TMED3: variants seen among roughly 807,000 people sequenced by gnomAD.
The protein encoded by TMED3 is transmembrane emp24 domain-containing protein 3.
TMED3 carries 9 observed loss-of-function variants against 15.0 expected under a neutral mutation model. The ratio of observed to expected loss-of-function variants is 0.60; its 90% confidence interval spans 0.36 to 1.04. The LOEUF is 1.04. TMED3 is among the 50% of genes least tolerant of loss of function. The pLI is 0.01. For missense variants in TMED3, 267 were observed against 278.9 expected (o/e 0.96, Z 0.30); for synonymous variants, 117 against 121.4 (o/e 0.96, Z 0.24).
At chr15:79,390,699 G>A (rs754492197) in intron 2 of TMED3, among the ~76,000 whole-genome samples, 5 of 151,860 alleles carry the variant, frequency 3.3e-5, no homozygotes, top group Non-Finnish European at 5.9e-5. Flanking sequence ...AGAATTCTGC[G>A]GTGAATCCAT....
chr15:79,322,510 C>A lies in TMED3; in HGVS notation c.*296C>A. ...GACAGGCAATGGTTCAGTGGCCTGG[C>A]TGTTGGCAGGAACTCCAAGTGCCCA... On this transcript the variant is annotated 3_prime_UTR_variant, in exon 3 of 3. Transcript: ENST00000299705. The A allele has an allele frequency of 8.3e-7, 1 of 1,208,398 alleles. No individual in the cohort carries two copies. 74.9% of individuals were successfully genotyped at this position (1,208,398 alleles called of 1,614,324 possible). A position where few individuals can be genotyped will look rare whatever the true frequency, so the allele number is the denominator to read the frequency against.
At chr15:79,407,743 C>G (rs1893920009) in intron 2 of TMED3, among the ~76,000 whole-genome samples, 1 of 152,202 alleles carries the variant, frequency 6.6e-6, no homozygotes, top group African/African-American at 2.4e-5. Context: ...GCTGTATGGT[C>G]TGCAAAGTCT....
At chr15:79,377,767 C>G (rs554901948) in intron 2 of TMED3, among the ~76,000 whole-genome samples, 1 of 152,058 alleles carries the variant, frequency 6.6e-6, no homozygotes, top group East Asian at 1.9e-4. Flanking sequence ...CTGCCTCAGC[C>G]TCCCGAGTAG....
At chr15:79,399,484 G>C (rs1398525634) in intron 2 of TMED3, among the ~76,000 whole-genome samples, 1 of 152,168 alleles carries the variant, frequency 6.6e-6, no homozygotes, top group Admixed American at 6.5e-5. Flanking sequence ...GACACATAAT[G>C]TGTCCAGGAG....
chr15:79,409,409 G>A (rs1287040580), intron 2 of TMED3, among the ~76,000 whole-genome samples: 1 of 152,174 alleles, frequency 6.6e-6, no homozygotes, highest in Non-Finnish European at 1.5e-5. Flanking sequence ...CCCAGATATA[G>A]GCAGGGGAAC....
rs768868805 is a variant in TMED3, at chr15:79,313,980, G to A, written c.392G>A (p.Gly131Glu). The part of the protein sequence containing the change: ...GDEPPILPDM[G>E]NRVTALTQME... ...GAGCCTCCCATTCTCCCAGACATGG[G>A]GAACAGGGTCACAGCTCTCACCCAG... Residue 131 changes from glycine to glutamate, a missense_variant, in exon 2 of 3, where the codon GGG (glycine) becomes GAG (glutamate). By Grantham distance (98) the Gly-to-Glu change is moderately conservative. Transcript: ENST00000299705. 1 of 1,614,068 alleles carries A rather than the reference G, an allele frequency of 6.2e-7. No individual in the cohort carries two copies. Among genetic ancestry groups the A allele is most frequent in the Non-Finnish European group, 8.5e-7 (1 of 1,179,950 alleles).
chr15:79,348,045 AGAT>A (rs1038017396), intron 2 of TMED3, among the ~76,000 whole-genome samples: 2 of 152,212 alleles, frequency 1.3e-5, no homozygotes, highest in African/African-American at 2.4e-5. Context: ...TGGGAAATTA[AGAT>A]GATAAGAGCT....
chr15:79,383,202 T>G, intron 2 of TMED3: 1 of 610,328 alleles, frequency 1.6e-6, no homozygotes, highest in Non-Finnish European at 2.9e-6. Context: ...AGTATAGTCA[T>G]TGATCTTCAG....
intron 2 of TMED3, among the ~76,000 whole-genome samples, chr15:79,385,135 C>T (rs1383878775): frequency 6.6e-6 from 1 of 152,148 alleles, no homozygotes; most frequent in Non-Finnish European, 1.5e-5. Flanking sequence ...ATCTTTGCAA[C>T]CTGTGGATCA....
intron 2 of TMED3, among the ~76,000 whole-genome samples, chr15:79,375,839 C>A (rs58995648): frequency 0.019 from 2,835 of 152,248 alleles, 93 homozygotes; most frequent in African/African-American, 0.064. Flanking sequence ...CTGAACTATT[C>A]AGGGTGCATG....
chr15:79,358,062 C>T (rs1256763127), intron 2 of TMED3, among the ~76,000 whole-genome samples: 3 of 152,128 alleles, frequency 2.0e-5, no homozygotes, highest in African/African-American at 7.2e-5. Flanking sequence ...GCAAGTTGAC[C>T]CTAACGGGAT....
intron 2 of TMED3, among the ~76,000 whole-genome samples, chr15:79,320,000 T>TCA (rs139021890): frequency 0.29 from 43,398 of 152,006 alleles, 7,030 homozygotes; most frequent in Middle Eastern, 0.41. Flanking sequence ...GCCTGACTGA[T>TCA]GTCAGGCCCT....
At chr15:79,390,279 C>G (rs555183298) in intron 2 of TMED3, among the ~76,000 whole-genome samples, 7 of 152,032 alleles carry the variant, frequency 4.6e-5, no homozygotes, top group African/African-American at 1.4e-4. Context: ...GCTGATTTTG[C>G]TGAGAGTTAT....
chr15:79,380,594 T>TAGAGAG (rs1288458197), intron 2 of TMED3, among the ~76,000 whole-genome samples: 1 of 140,058 alleles, frequency 7.1e-6, no homozygotes, highest in African/African-American at 2.9e-5. Context: ...TATATATATA[T>TAGAGAG]ATATATAGAG....
In TMED3 at chr15:79,322,533, C is replaced by T; in HGVS notation, c.*319C>T. The T allele has an allele frequency of 2.1e-5, 25 of 1,172,630 alleles. No individual in the cohort carries two copies. Among genetic ancestry groups the T allele is most frequent in the Non-Finnish European group, 2.5e-5 (24 of 946,256 alleles). 72.6% of individuals were successfully genotyped at this position (1,172,630 alleles called of 1,614,324 possible). A position where few individuals can be genotyped will look rare whatever the true frequency, so the allele number is the denominator to read the frequency against. On this transcript the variant is annotated 3_prime_UTR_variant, in exon 3 of 3. Coordinates refer to ENST00000299705, the MANE Select transcript of TMED3 (RefSeq NM_007364.4). ...GGCTGTTGGCAGGAACTCCAAGTGC[C>T]CAGGCCTCTTGGGCAGCTTAGGGCC...
downstream of TMED3, among the ~76,000 whole-genome samples, chr15:79,323,841 T>C (rs1229201524): frequency 6.6e-6 from 1 of 152,248 alleles, no homozygotes. Context: ...CATTTATCCA[T>C]AAATATGTAG....
intron 2 of TMED3, among the ~76,000 whole-genome samples, chr15:79,398,899 GT>G (rs1233130174): frequency 6.6e-6 from 1 of 152,116 alleles, no homozygotes; most frequent in Non-Finnish European, 1.5e-5. Flanking sequence ...CAATTTAAAT[GT>G]TTTTTGTTTG....
At position 79,344,129 on chromosome 15, in the gene TMED3, A is replaced by G. The variant is rs564889497; in HGVS notation, c.417+30124A>G. On this transcript the variant is annotated intron_variant, in intron 2 of 2. Transcript: ENST00000424155. ...GGCCTCCAACTTATAGAAGTTGAGAAGAAGAGAAGGTCAAATAGAAAGTGA... is the reference window on the plus strand; with the variant it reads ...GGCCTCCAACTTATAGAAGTTGAGAGGAAGAGAAGGTCAAATAGAAAGTGA... Among the ~76,000 whole-genome samples, 14 of 152,198 alleles carry G rather than the reference A, an allele frequency of 9.2e-5. No homozygotes were observed. The South Asian group carries it at 2.9e-3, about 32-fold the overall frequency.
chr15:79,342,146 A>G (rs2058853979), intron 2 of TMED3, among the ~76,000 whole-genome samples: 1 of 152,240 alleles, frequency 6.6e-6, no homozygotes, highest in African/African-American at 2.4e-5. Flanking sequence ...TGAAGCAGAG[A>G]TATAAGCAAT....
Sources: gnomAD v4.1 joint callset for allele counts (sites outside exome capture counted in the v4.1 genomes callset) on GRCh38, gnomAD v4.1.1 for gene constraint, MANE v1.5 for transcripts, NCBI Gene and HGNC (gene_info 2026-07-23, HGNC 2026-07-21) for gene names.